Variants in CSMD2 observed in about 807,000 individuals in gnomAD.
The protein encoded by CSMD2 is CUB and sushi domain-containing protein 2.
In CSMD2, 130 loss-of-function variants were observed where a neutral mutation model predicts 398.5. That is an observed-to-expected ratio of 0.33 (90% confidence interval 0.28 to 0.38). CSMD2 has a LOEUF of 0.38. Ranked by LOEUF, CSMD2 falls within the 10% of genes least tolerant of loss-of-function variation. The probability of loss-of-function intolerance (pLI) is 1.00; values close to 1 mark genes in which losing one functional copy is unlikely to be tolerated. For synonymous variants in CSMD2, 1,828 were observed against 1,908.5 expected (o/e 0.96, Z 1.10); for missense variants, 3,829 against 4,764.9 (o/e 0.80, Z 5.78).
At chr1:33,752,957 C>A (rs1648465586) in intron 13 of CSMD2, among the ~76,000 whole-genome samples, 1 of 152,204 alleles carries the variant, frequency 6.6e-6, no homozygotes, top group Admixed American at 6.5e-5. Context: ...GAAAAAATTT[C>A]TAAGCAGCAA....
At chr1:34,003,792 C>A (rs2148041796) in intron 3 of CSMD2, among the ~76,000 whole-genome samples, 1 of 152,324 alleles carries the variant, frequency 6.6e-6, no homozygotes, top group East Asian at 1.9e-4. Flanking sequence ...TCTAGACTGG[C>A]CTTTCCTCAA....
chr1:33,554,600 T>C (rs183078325), intron 55 of CSMD2, among the ~76,000 whole-genome samples: 3 of 152,304 alleles, frequency 2.0e-5, no homozygotes, highest in Non-Finnish European at 2.9e-5. Context: ...TGAATGCAGC[T>C]GGTGATTTTA....
intron 58 of CSMD2, among the ~76,000 whole-genome samples, chr1:33,542,155 C>A (rs945278499): frequency 3.3e-5 from 5 of 152,218 alleles, no homozygotes; most frequent in African/African-American, 4.8e-5. Flanking sequence ...TTCCCTCCAT[C>A]TGGATCCCAC....
chr1:34,020,785 G>A (rs540719065), intron 3 of CSMD2, among the ~76,000 whole-genome samples: 2 of 152,182 alleles, frequency 1.3e-5, no homozygotes, highest in Non-Finnish European at 2.9e-5. Flanking sequence ...GTTATGTGTC[G>A]GTTGTTGTCT....
intron 7 of CSMD2, among the ~76,000 whole-genome samples, chr1:33,822,952 T>C (rs772029359): frequency 6.6e-6 from 1 of 152,188 alleles, no homozygotes; most frequent in Non-Finnish European, 1.5e-5. Flanking sequence ...GACCATTTCA[T>C]GGGAACCACA....
At chr1:33,866,030 T>G (rs1640007577) in intron 5 of CSMD2, among the ~76,000 whole-genome samples, 1 of 152,176 alleles carries the variant, frequency 6.6e-6, no homozygotes. Context: ...ATGCAACAGA[T>G]CTCCCTAACT....
intron 3 of CSMD2, among the ~76,000 whole-genome samples, chr1:34,013,180 T>G (rs1327522730): frequency 6.6e-6 from 1 of 152,108 alleles, no homozygotes; most frequent in Non-Finnish European, 1.5e-5. Context: ...TGCAGTTTCC[T>G]TTCAAGTATT....
At chr1:33,546,321 G>T (rs951911433) in intron 56 of CSMD2, 102 bp from the exon 57 acceptor site, 104 of 1,206,684 alleles carry the variant, frequency 8.6e-5, no homozygotes, top group Admixed American at 2.5e-5. Flanking sequence ...GGGATGCAGT[G>T]GGTCCCACGA....
intron 5 of CSMD2, among the ~76,000 whole-genome samples, chr1:33,847,838 C>T (rs1258335591): frequency 1.3e-5 from 2 of 152,110 alleles, no homozygotes; most frequent in Non-Finnish European, 2.9e-5. Flanking sequence ...TGACCCCTCC[C>T]TCAAAAGCTT....
intron 5 of CSMD2, among the ~76,000 whole-genome samples, chr1:33,889,589 T>G (rs1358787711): frequency 6.6e-6 from 1 of 152,184 alleles, no homozygotes; most frequent in Non-Finnish European, 1.5e-5. Context: ...TGATGTTAAC[T>G]ATAACATTAT....
chr1:33,635,209 C>G lies in CSMD2; in HGVS notation c.5086+5G>C. On this transcript the variant is annotated splice_donor_5th_base_variant and intron_variant, in intron 31 of 70. Coordinates refer to ENST00000373381, the MANE Select transcript of CSMD2 (RefSeq NM_001281956.2). The surrounding 1 kb of genome is among the most constrained non-coding windows in gnomAD (Gnocchi z 5.0). Reference sequence around the variant, plus strand: ...CATATGAACAACAACAACCAAAACCCATACCATAGTCCTTGGGCACAGTAA... The same window carrying G: ...CATATGAACAACAACAACCAAAACCGATACCATAGTCCTTGGGCACAGTAA... The G allele has an allele frequency of 6.3e-7, 1 of 1,577,510 alleles. No individual in the cohort carries two copies. The highest frequency in any genetic ancestry group is 1.1e-5 in the South Asian group (1 of 89,896).
chr1:33,947,005 G>C (rs1644860649), intron 3 of CSMD2, among the ~76,000 whole-genome samples: 1 of 152,154 alleles, frequency 6.6e-6, no homozygotes, highest in African/African-American at 2.4e-5. Flanking sequence ...GCTTTGGGAG[G>C]TTTATGGCCA....
intron 1 of CSMD2, among the ~76,000 whole-genome samples, chr1:34,107,324 G>A (rs1178705645): frequency 1.3e-5 from 2 of 152,196 alleles, no homozygotes; most frequent in East Asian, 3.8e-4. Context: ...CTGTGTCCCA[G>A]TGAGTGCTTC....
intron 32 of CSMD2, among the ~76,000 whole-genome samples, chr1:33,627,195 G>A (rs551598029): frequency 6.6e-6 from 1 of 152,294 alleles, no homozygotes; most frequent in South Asian, 2.1e-4. Context: ...AGGCAAACCA[G>A]GATGTACTAT....
chr1:33,860,062 G>A (rs1176043178), intron 5 of CSMD2, among the ~76,000 whole-genome samples: 1 of 152,120 alleles, frequency 6.6e-6, no homozygotes. Context: ...ATAACCCTGG[G>A]TCATGCATAA....
In CSMD2 at chr1:33,962,635, C is replaced by T. The variant is rs117268971; in HGVS notation, c.518-26681G>A. 9.3e-3 allele frequency among the ~76,000 whole-genome samples: 1,416 copies of T among 152,272 alleles called. 31 individuals are homozygous for T. Among genetic ancestry groups the T allele is most frequent in the East Asian group, 0.065 (337 of 5,178 alleles). ...AGGGCCCCAGGTGAGTTGCTTCTTC[C>T]CTGCCTTCCTCTCTACTCCCTCCCT... On this transcript the variant is annotated intron_variant, in intron 3 of 70. Coordinates refer to ENST00000373381, the MANE Select transcript of CSMD2 (RefSeq NM_001281956.2).
At chr1:34,071,022 AAAATAATC>A (rs112047305) in intron 2 of CSMD2, among the ~76,000 whole-genome samples, 4,393 of 152,286 alleles carry the variant, frequency 0.029, 226 homozygotes, top group African/African-American at 0.1. Flanking sequence ...CCTTTGGGTT[AAAATAATC>A]AAATTGGAAG....
intron 15 of CSMD2, among the ~76,000 whole-genome samples, 155 bp downstream of exon 15, chr1:33,738,985 G>T (rs74837890): frequency 0.011 from 1,609 of 152,312 alleles, 31 homozygotes; most frequent in African/African-American, 0.037. Flanking sequence ...TGAAGCCCCT[G>T]CTATTCCAGC....
chr1:33,624,511 G>A lies in CSMD2; in HGVS notation c.5625+8C>T. ...ACCTGCCCGACCGAGGCGCCCCCTT[G>A]CCCCTACCTGGATGCCAGCGCCTTC... On this transcript the variant is annotated splice_region_variant and intron_variant, in intron 35 of 70. Transcript: ENST00000373381. The surrounding 1 kb of genome is among the most constrained non-coding windows in gnomAD (Gnocchi z 4.7). 1 of 1,613,338 alleles carries A rather than the reference G, an allele frequency of 6.2e-7. No individual in the cohort carries two copies. Among genetic ancestry groups the A allele is most frequent in the Non-Finnish European group, 8.5e-7 (1 of 1,179,650 alleles).
Sources: allele counts gnomAD v4.1 joint callset (sites outside exome capture counted in the v4.1 genomes callset), GRCh38; gene constraint gnomAD v4.1.1; non-coding constraint Gnocchi (gnomAD v3.1); transcripts MANE v1.5; gene names NCBI Gene and HGNC (gene_info 2026-07-23, HGNC 2026-07-21).